The following DIAPH2 variants were observed in gnomAD, a reference collection of about 807,000 sequenced individuals.
The protein encoded by DIAPH2 is protein diaphanous homolog 2.
Under a neutral mutation model 92.7 loss-of-function variants are expected in DIAPH2, and 35 were observed. The ratio of observed to expected loss-of-function variants is 0.38; its 90% CI spans 0.29 to 0.50. DIAPH2 has a LOEUF of 0.50. DIAPH2 is among the 20% of genes least tolerant of loss of function. The pLI is 0.94. For missense variants in DIAPH2, 701 were observed against 819.5 expected, an observed-to-expected ratio of 0.86 and a Z score of 1.77; for synonymous variants, 301 against 280.4, an observed-to-expected ratio of 1.07 and a Z score of -0.73.
chrX:96,744,262 A>G (rs1416142194), intron 3 of DIAPH2, among the ~76,000 whole-genome samples: 1 of 112,169 alleles, frequency 8.9e-6, no homozygotes, highest in Non-Finnish European at 1.9e-5. Flanking sequence ...ATTTAAGTGT[A>G]TTATTTCAAT....
At chrX:96,762,787 G>A (rs1005052165) in intron 4 of DIAPH2, among the ~76,000 whole-genome samples, 2 of 110,216 alleles carry the variant, frequency 1.8e-5, no homozygotes, top group African/African-American at 6.6e-5. Flanking sequence ...ACTTAACATT[G>A]CATAACTTGA....
intron 3 of DIAPH2, among the ~76,000 whole-genome samples, chrX:96,756,246 A>G (rs143360460): frequency 2.6e-3 from 289 of 110,953 alleles, no homozygotes; most frequent in African/African-American, 8.9e-3. Flanking sequence ...CACCCCATAA[A>G]GAAACACCAT....
rs918995926 is a variant in DIAPH2, at chrX:97,600,827, G to GAGAT, written c.*1512_*1515dup. On this transcript the variant is annotated 3_prime_UTR_variant, in exon 27 of 27. Coordinates refer to ENST00000324765, the MANE Select transcript of DIAPH2 (RefSeq NM_006729.5). ...TGGCTGGCTTGGCAAATCCCCATCTGAGATAAAGTAAACAAGTGACCAGCA... is the reference window on the plus strand; with the variant it reads ...TGGCTGGCTTGGCAAATCCCCATCTGAGATAGATAAAGTAAACAAGTGACCAGCA... 8.9e-6 allele frequency: 1 copy of GAGAT among 111,981 alleles called. No homozygotes were observed. Among genetic ancestry groups the GAGAT allele is most frequent in the Admixed American group, 9.5e-5 (1 of 10,546 alleles). 9.2% of individuals were successfully genotyped at this position (111,981 alleles called of 1,213,427 possible).
At chrX:97,227,520 A>C (rs1036046171) in intron 22 of DIAPH2, among the ~76,000 whole-genome samples, 5 of 111,975 alleles carry the variant, frequency 4.5e-5, no homozygotes, top group Non-Finnish European at 1.9e-5. Context: ...CTTACCTTCA[A>C]GGACGTGACA....
At chrX:96,957,463 A>G (rs2065818348) in intron 15 of DIAPH2, among the ~76,000 whole-genome samples, 1 of 111,898 alleles carries the variant, frequency 8.9e-6, no homozygotes, top group Non-Finnish European at 1.9e-5. Context: ...AGAAGGGCCA[A>G]GCAAAAAGGG....
intron 17 of DIAPH2, among the ~76,000 whole-genome samples, chrX:96,974,708 A>T (rs2065949649): frequency 9.0e-6 from 1 of 111,567 alleles, no homozygotes; most frequent in Non-Finnish European, 1.9e-5. Flanking sequence ...TTTGTTTATT[A>T]TTCAATTTGA....
chrX:96,991,983 A>G (rs1261091839), intron 17 of DIAPH2, among the ~76,000 whole-genome samples: 1 of 110,447 alleles, frequency 9.1e-6, no homozygotes, highest in African/African-American at 3.3e-5. Flanking sequence ...CTTGATCTCT[A>G]ATATCTTTTC....
chrX:96,698,725 CTTT>C (rs35234363), intron 1 of DIAPH2, among the ~76,000 whole-genome samples: 7 of 91,615 alleles, frequency 7.6e-5, no homozygotes, highest in Admixed American at 1.2e-4. Flanking sequence ...TAATCTTAAA[CTTT>C]TTTTTTTTTT....
At position 96,889,679 on chromosome X, in the gene DIAPH2, T is replaced by G. The variant is rs1472892378; in HGVS notation, c.587+7961T>G. On this transcript the variant is annotated intron_variant, in intron 5 of 26. Transcript: ENST00000324765. The stretch of plus-strand genomic sequence containing the variant: ...CAGACAATTTTTTTAAAGGTGTACA[T>G]CAAATATCAGGTTGTAATATGAGCT... Among the ~76,000 whole-genome samples, 4 of 111,785 alleles carry G rather than the reference T, an allele frequency of 3.6e-5. No homozygotes were observed. In the Admixed American group the frequency reaches 3.8e-4, roughly 11 times the overall value.
chrX:96,980,868 T>A (rs180684695), intron 17 of DIAPH2, among the ~76,000 whole-genome samples: 1 of 108,817 alleles, frequency 9.2e-6, no homozygotes, highest in Non-Finnish European at 1.9e-5. Flanking sequence ...TTTAAAAAAA[T>A]GTGTACATCA....
In DIAPH2 at chrX:97,580,102, T is replaced by A. The variant is rs1364092730; in HGVS notation, c.3242-19151T>A. The stretch of plus-strand genomic sequence containing the variant: ...GTGGGGTTTTCTAGATATACAATCA[T>A]GTCATCTGCAAACAGGGACAATTTG... On this transcript the variant is annotated intron_variant, in intron 26 of 26. Transcript: ENST00000324765. Among the ~76,000 whole-genome samples the A allele has an allele frequency of 1.4e-4, 16 of 111,334 alleles. No individual in the cohort carries two copies. In the East Asian group the frequency reaches 3.7e-3, roughly 25 times the overall value.
At chrX:97,313,311 G>A (rs2068812843) in intron 23 of DIAPH2, among the ~76,000 whole-genome samples, 1 of 111,948 alleles carries the variant, frequency 8.9e-6, no homozygotes, top group African/African-American at 3.2e-5. Context: ...AAATAATCAA[G>A]CTTTCCTGTT....
At chrX:97,195,815 G>T (rs1299598805) in intron 22 of DIAPH2, among the ~76,000 whole-genome samples, 2 of 107,074 alleles carry the variant, frequency 1.9e-5, no homozygotes, top group Non-Finnish European at 3.8e-5. Context: ...ATAACATTAT[G>T]TTGTTAAAAA....
intron 23 of DIAPH2, among the ~76,000 whole-genome samples, chrX:97,255,608 T>C (rs961654967): frequency 8.9e-6 from 1 of 112,165 alleles, no homozygotes; most frequent in Non-Finnish European, 1.9e-5. Context: ...ATATAATTAA[T>C]ATAAAACTTA....
At chrX:97,222,021 C>T (rs1311758438) in intron 22 of DIAPH2, among the ~76,000 whole-genome samples, 1 of 111,279 alleles carries the variant, frequency 9.0e-6, no homozygotes, top group Non-Finnish European at 1.9e-5. Flanking sequence ...AAAGTTATTC[C>T]AATGGTATTC....
chrX:96,912,643 A>G, intron 7 of DIAPH2, 91 bp downstream of exon 7: 4 of 980,705 alleles, frequency 4.1e-6, no homozygotes, highest in Non-Finnish European at 5.3e-6. Context: ...TTTTTTTATT[A>G]TTTTTTTTAA....
At chrX:97,352,665 C>A (rs183195459) in intron 24 of DIAPH2, among the ~76,000 whole-genome samples, 2 of 107,869 alleles carry the variant, frequency 1.9e-5, no homozygotes, top group Admixed American at 1.0e-4. Context: ...GTCAGGAGAT[C>A]GAGACCATCC....
chrX:96,865,344 G>T (rs894737483), intron 4 of DIAPH2, among the ~76,000 whole-genome samples: 2 of 111,999 alleles, frequency 1.8e-5, no homozygotes, highest in Admixed American at 9.5e-5. Flanking sequence ...AAGTGGGTTA[G>T]TTGTGTGCTG....
chrX:96,901,137 T>A (rs747314907), intron 5 of DIAPH2, among the ~76,000 whole-genome samples: 1 of 111,406 alleles, frequency 9.0e-6, no homozygotes, highest in East Asian at 2.8e-4. Flanking sequence ...TTCTATTTCC[T>A]TGCTTGTTAC....
Sources: allele counts gnomAD v4.1 joint callset (sites outside exome capture counted in the v4.1 genomes callset), GRCh38; gene constraint gnomAD v4.1.1; transcripts MANE v1.5; gene names NCBI Gene and HGNC (gene_info 2026-07-23, HGNC 2026-07-21).